OSBPL8: variants seen among roughly 807,000 people sequenced by gnomAD.
OSBPL8 encodes the protein oxysterol binding protein like 8.
Under a neutral mutation model 125.5 loss-of-function variants are expected in OSBPL8, and 59 were observed. The ratio of observed to expected loss-of-function variants is 0.47; its 90% confidence interval spans 0.38 to 0.58. The LOEUF is 0.58. Among genes scored for constraint, OSBPL8 ranks in the 20% least tolerant of loss-of-function variants. The pLI is 0.00. For missense variants in OSBPL8, 758 were observed against 1,047.8 expected, an observed-to-expected ratio of 0.72 and a Z score of 3.82; for synonymous variants, 330 against 338.9, an observed-to-expected ratio of 0.97 and a Z score of 0.29.
At chr12:76,527,864 T>A (rs1592855805) in intron 1 of OSBPL8, among the ~76,000 whole-genome samples, 1 of 152,298 alleles carries the variant, frequency 6.6e-6, no homozygotes, top group East Asian at 1.9e-4. Context: ...AGATAAACAT[T>A]CTTGAAAAGG....
intron 2 of OSBPL8, among the ~76,000 whole-genome samples, chr12:76,484,354 C>A (rs1288005948): frequency 2.0e-5 from 3 of 152,194 alleles, no homozygotes; most frequent in African/African-American, 7.2e-5. Flanking sequence ...GAAAGCTTCT[C>A]CAACTACTCT....
At chr12:76,461,803 G>C (rs1027248766) in intron 2 of OSBPL8, among the ~76,000 whole-genome samples, 1 of 152,158 alleles carries the variant, frequency 6.6e-6, no homozygotes, top group Non-Finnish European at 1.5e-5. Context: ...AACCACATGA[G>C]AGACTGAGTG....
chr12:76,495,855 CTTTT>C (rs1201103520), intron 1 of OSBPL8, among the ~76,000 whole-genome samples: 1 of 152,162 alleles, frequency 6.6e-6, no homozygotes, highest in Admixed American at 6.5e-5. Flanking sequence ...GTTTCTTCTG[CTTTT>C]TTTGTTAACC....
intron 1 of OSBPL8, among the ~76,000 whole-genome samples, chr12:76,541,657 C>A (rs1234527637): frequency 6.6e-6 from 1 of 152,038 alleles, no homozygotes; most frequent in Non-Finnish European, 1.5e-5. Context: ...GAGTTCAAGA[C>A]CAACCTGGCC....
chr12:76,505,014 T>C (rs1880273282), intron 1 of OSBPL8, among the ~76,000 whole-genome samples: 1 of 152,112 alleles, frequency 6.6e-6, no homozygotes, highest in Non-Finnish European at 1.5e-5. Context: ...AATCACAGCA[T>C]TCCCCATTCC....
Position 76,354,758 on chromosome 12 carries a change from G to T in OSBPL8, c.*1131C>A, listed in dbSNP as rs1262902951. 1 of 151,926 alleles carries T rather than the reference G, an allele frequency of 6.6e-6. No individual in the cohort carries two copies. Among genetic ancestry groups the T allele is most frequent in the African/African-American group, 2.4e-5 (1 of 41,422 alleles). 9.4% of individuals were successfully genotyped at this position (151,926 alleles called of 1,614,324 possible). On this transcript the variant is annotated 3_prime_UTR_variant, in exon 24 of 24. Transcript: ENST00000261183. ...AATTGTGGTTTTGCCACAGAAAGAA[G>T]TTACTAAGAAGAGAGGAGGATAATA...
intron 2 of OSBPL8, among the ~76,000 whole-genome samples, chr12:76,477,955 G>A (rs1333330191): frequency 6.6e-6 from 1 of 151,962 alleles, no homozygotes; most frequent in Non-Finnish European, 1.5e-5. Flanking sequence ...TGTAATCCCA[G>A]CATTTTGGGA....
At chr12:76,426,053 C>G (rs1370989625) in intron 4 of OSBPL8, among the ~76,000 whole-genome samples, 1 of 152,160 alleles carries the variant, frequency 6.6e-6, no homozygotes, top group Non-Finnish European at 1.5e-5. Context: ...GAGGCTGTCT[C>G]TGTATTTTTA....
chr12:76,547,402 G>T (rs1950810612), intron 1 of OSBPL8, among the ~76,000 whole-genome samples: 2 of 151,934 alleles, frequency 1.3e-5, no homozygotes, highest in African/African-American at 4.8e-5. Flanking sequence ...TTAAAACAAT[G>T]CTAGGAACAA....
chr12:76,518,865 GA>G (rs770990344), intron 1 of OSBPL8, among the ~76,000 whole-genome samples: 2 of 152,238 alleles, frequency 1.3e-5, no homozygotes, highest in Non-Finnish European at 2.9e-5. Flanking sequence ...ACAGGTCCCT[GA>G]AACCATTCTT....
intron 1 of OSBPL8, among the ~76,000 whole-genome samples, chr12:76,557,996 T>C (rs769733182): frequency 2.0e-5 from 3 of 152,198 alleles, no homozygotes; most frequent in East Asian, 1.9e-4. Flanking sequence ...GTTCAAACGG[T>C]TGACATGGAA....
intron 1 of OSBPL8, among the ~76,000 whole-genome samples, chr12:76,499,120 G>C (rs1291708186): frequency 6.6e-6 from 1 of 152,082 alleles, no homozygotes; most frequent in African/African-American, 2.4e-5. Context: ...GCAGGAAAAC[G>C]TGAAAGGGGA....
rs1951840175 is a variant in OSBPL8 at position 76,352,013 on chromosome 12, C to G, written c.*3876G>C. 6.6e-6 allele frequency: 1 copy of G among 152,244 alleles called. No homozygotes were observed. The highest frequency in any genetic ancestry group is 1.5e-5 in the Non-Finnish European group (1 of 68,034). The allele number at this position is 152,244 out of a possible 1,614,324, so 9.4% of individuals were successfully genotyped here. ...AATTTGACAGTGTGCTGTACTTACACTGCAGGTAACATATTTTTATTCTAT... is the reference window on the plus strand; with the variant it reads ...AATTTGACAGTGTGCTGTACTTACAGTGCAGGTAACATATTTTTATTCTAT... On this transcript the variant is annotated 3_prime_UTR_variant, in exon 24 of 24. Coordinates refer to ENST00000261183, the MANE Select transcript of OSBPL8 (RefSeq NM_020841.5).
chr12:76,521,366 T>C (rs1481511454), intron 1 of OSBPL8, among the ~76,000 whole-genome samples: 1 of 152,166 alleles, frequency 6.6e-6, no homozygotes, highest in Non-Finnish European at 1.5e-5. Flanking sequence ...TGTAAAATGG[T>C]ACAGCCACTG....
intron 2 of OSBPL8, among the ~76,000 whole-genome samples, chr12:76,466,525 T>C (rs1185803523): frequency 6.6e-6 from 1 of 152,226 alleles, no homozygotes; most frequent in East Asian, 1.9e-4. Flanking sequence ...AGTGATTTAA[T>C]CTCATATACT....
At chr12:76,422,588 G>A (rs768419633) in intron 4 of OSBPL8, 1 of 456,528 alleles carries the variant, frequency 2.2e-6, no homozygotes, top group South Asian at 1.5e-5. Flanking sequence ...AATCCGGGGA[G>A]GAAATAAAAC....
At chr12:76,494,576 T>C (rs529444814) in intron 1 of OSBPL8, among the ~76,000 whole-genome samples, 5 of 152,210 alleles carry the variant, frequency 3.3e-5, no homozygotes, top group East Asian at 1.9e-4. Context: ...ATTTTGAAGG[T>C]AGAAGCAACA....
At chr12:76,381,274 T>C (rs1953038418) in intron 15 of OSBPL8, among the ~76,000 whole-genome samples, 1 of 152,212 alleles carries the variant, frequency 6.6e-6, no homozygotes. Flanking sequence ...GGAGTGTTTT[T>C]TCTTCTTCTA....
At chr12:76,530,292 A>G (rs1391423925) in intron 1 of OSBPL8, among the ~76,000 whole-genome samples, 1 of 143,798 alleles carries the variant, frequency 7.0e-6, no homozygotes. Context: ...TCCTGGCCTC[A>G]AGCAATCCTC....
Sources: gnomAD v4.1 joint callset for allele counts (sites outside exome capture counted in the v4.1 genomes callset) on GRCh38, gnomAD v4.1.1 for gene constraint, MANE v1.5 for transcripts, NCBI Gene and HGNC (gene_info 2026-07-23, HGNC 2026-07-21) for gene names.